MYRFL: variants seen among roughly 807,000 people sequenced by gnomAD.
MYRFL encodes myelin regulatory factor-like protein.
Under a neutral mutation model 109.4 loss-of-function variants are expected in MYRFL, and 88 were observed. That is an observed-to-expected ratio of 0.80 (90% CI 0.68 to 0.96). The LOEUF (loss-of-function observed/expected upper bound fraction) is 0.96, where lower values mean the gene tolerates loss of function less well. Ranked by LOEUF, MYRFL falls within the 40% of genes least tolerant of loss-of-function variation. MYRFL has a pLI of 0.00. For synonymous variants in MYRFL, 324 were observed against 320.9 expected, an observed-to-expected ratio of 1.01 and a Z score of -0.10; for missense variants, 957 against 954.9, an observed-to-expected ratio of 1.00 and a Z score of -0.03.
chr12:69,936,078 G>GGT, intron 16 of MYRFL, 35 bp from the exon 17 acceptor site: 4 of 891,620 alleles, frequency 4.5e-6, no homozygotes, highest in South Asian at 1.8e-5. Flanking sequence ...GCCACATAAT[G>GGT]TTTTTTTTTT....
intron 13 of MYRFL, among the ~76,000 whole-genome samples, chr12:69,913,865 T>C (rs969688820): frequency 4.6e-5 from 7 of 152,360 alleles, no homozygotes; most frequent in Middle Eastern, 6.8e-3. Flanking sequence ...AGGGATTTCA[T>C]TGAATTTGTA....
At chr12:69,844,932 G>A (rs984516745) in intron 1 of MYRFL, among the ~76,000 whole-genome samples, 9 of 152,034 alleles carry the variant, frequency 5.9e-5, no homozygotes, top group Admixed American at 5.9e-4. Context: ...AGTATATGAT[G>A]TCACTCTCCA....
At chr12:69,938,265 T>TA (rs545695375) in intron 19 of MYRFL, among the ~76,000 whole-genome samples, 1 of 152,230 alleles carries the variant, frequency 6.6e-6, no homozygotes, top group South Asian at 2.1e-4. Context: ...ACACTTTTCT[T>TA]ACTTTGGGAG....
At chr12:69,918,205 C>T (rs563612979) in intron 13 of MYRFL, among the ~76,000 whole-genome samples, 2 of 152,246 alleles carry the variant, frequency 1.3e-5, no homozygotes, top group Admixed American at 1.3e-4. Context: ...GGAAGTGGCC[C>T]CTCCAATGAG....
chr12:69,917,383 CTTTTTTTT>C (rs56118035), intron 13 of MYRFL, among the ~76,000 whole-genome samples: 2 of 102,510 alleles, frequency 2.0e-5, no homozygotes, highest in African/African-American at 3.7e-5. Flanking sequence ...TATTCACTGA[CTTTTTTTT>C]TTTTTTTTTT....
chr12:69,942,773 A>G (rs1418704843), intron 19 of MYRFL, among the ~76,000 whole-genome samples: 1 of 151,738 alleles, frequency 6.6e-6, no homozygotes, highest in East Asian at 1.9e-4. Flanking sequence ...ACATGATTGT[A>G]TATCTAGAAA....
intron 19 of MYRFL, among the ~76,000 whole-genome samples, chr12:69,937,924 A>T (rs980073825): frequency 6.6e-6 from 1 of 152,254 alleles, no homozygotes; most frequent in African/African-American, 2.4e-5. Flanking sequence ...TAAGTAGTTT[A>T]CATGAGTAAA....
In MYRFL at chr12:69,955,977, A is replaced by ATAAG. The variant is rs138255347; in HGVS notation, c.2450+543_2450+546dup. On this transcript the variant is annotated intron_variant, in intron 22 of 24. Transcript: ENST00000552032. ...GAGCTACTGTTTCTTTATCTGTAATATAAGTATTACATGACACCATAGCAC... is the reference window on the plus strand; with the variant it reads ...GAGCTACTGTTTCTTTATCTGTAATATAAGTAAGTATTACATGACACCATAGCAC... Among the ~76,000 whole-genome samples the ATAAG allele has an allele frequency of 4.9e-4, 75 of 152,250 alleles. No homozygotes were observed. The East Asian group carries it at 0.014, about 29-fold the overall frequency.
intron 2 of MYRFL, among the ~76,000 whole-genome samples, chr12:69,862,722 C>G (rs1884764286): frequency 6.6e-6 from 1 of 152,078 alleles, no homozygotes. Flanking sequence ...TCCTCTTTTC[C>G]TAATTGAATA....
chr12:69,886,082 C>G (rs1213611527), intron 5 of MYRFL, among the ~76,000 whole-genome samples: 4 of 151,344 alleles, frequency 2.6e-5, no homozygotes, highest in Admixed American at 2.0e-4. Context: ...AACCAAAATT[C>G]AAAAAAAAGC....
chr12:69,955,461 A>AATT (rs1355929868), intron 22 of MYRFL, 24 bp downstream of exon 22: 2 of 567,352 alleles, frequency 3.5e-6, no homozygotes, highest in African/African-American at 3.9e-5. Flanking sequence ...TGTAAAAAAC[A>AATT]ATTTCATTTT....
chr12:69,846,659 C>A (rs185862291), intron 1 of MYRFL, among the ~76,000 whole-genome samples: 1 of 152,132 alleles, frequency 6.6e-6, no homozygotes, highest in African/African-American at 2.4e-5. Context: ...AATAAACATA[C>A]GTGTCCATGT....
At chr12:69,905,291 T>A (rs1258764078) in intron 11 of MYRFL, among the ~76,000 whole-genome samples, 1 of 152,236 alleles carries the variant, frequency 6.6e-6, no homozygotes, top group Non-Finnish European at 1.5e-5. Flanking sequence ...GAACTTCATT[T>A]ACAAAAAGTC....
chr12:69,853,339 G>A (rs1297919369), intron 1 of MYRFL, among the ~76,000 whole-genome samples: 1 of 150,528 alleles, frequency 6.6e-6, no homozygotes, highest in Admixed American at 6.6e-5. Context: ...CTGGGCGGAG[G>A]GGCTCCTCAC....
chr12:69,874,191 A>AT (rs1359015901), intron 2 of MYRFL, among the ~76,000 whole-genome samples: 1 of 152,166 alleles, frequency 6.6e-6, no homozygotes, highest in Non-Finnish European at 1.5e-5. Flanking sequence ...TTTTATTATT[A>AT]TTTTTGAAAT....
chr12:69,888,993 T>C (rs1409350426), intron 6 of MYRFL, among the ~76,000 whole-genome samples: 1 of 152,198 alleles, frequency 6.6e-6, no homozygotes, highest in Non-Finnish European at 1.5e-5. Context: ...GGGTAGTCAA[T>C]GACTCAGTAA....
intron 16 of MYRFL, chr12:69,935,877 A>G: frequency 5.8e-6 from 3 of 515,682 alleles, no homozygotes; most frequent in Non-Finnish European, 6.7e-6. Context: ...ATGTGGAAAA[A>G]TCCATCAGCA....
At chr12:69,876,789 A>G (rs891482246) in intron 2 of MYRFL, among the ~76,000 whole-genome samples, 1 of 152,124 alleles carries the variant, frequency 6.6e-6, no homozygotes, top group Admixed American at 6.6e-5. Context: ...TGCAAAACAG[A>G]GTTAAGGAAA....
intron 6 of MYRFL, among the ~76,000 whole-genome samples, chr12:69,888,354 C>G (rs780906033): frequency 1.3e-5 from 2 of 152,150 alleles, no homozygotes; most frequent in African/African-American, 4.8e-5. Flanking sequence ...GACAGAAAAA[C>G]ACCCATCTTT....
Sources: gnomAD v4.1 joint callset for allele counts (sites outside exome capture counted in the v4.1 genomes callset) on GRCh38, gnomAD v4.1.1 for gene constraint, MANE v1.5 for transcripts, NCBI Gene and HGNC (gene_info 2026-07-23, HGNC 2026-07-21) for gene names.